Variants in SLC44A5 observed in about 807,000 individuals in gnomAD.
The protein encoded by SLC44A5 is solute carrier family 44 member 5.
SLC44A5 carries 57 observed loss-of-function variants against 101.8 expected under a neutral mutation model. That is an observed-to-expected ratio of 0.56 (90% CI 0.45 to 0.70). The LOEUF (loss-of-function observed/expected upper bound fraction) is 0.70. Among genes scored for constraint, SLC44A5 ranks in the 30% least tolerant of loss-of-function variants. SLC44A5 has a pLI of 0.00. For synonymous variants in SLC44A5, 281 were observed against 290.9 expected (o/e 0.97, Z 0.35); for missense variants, 737 against 853.1 (o/e 0.86, Z 1.70).
intron 2 of SLC44A5, among the ~76,000 whole-genome samples, chr1:75,459,067 G>T (rs887835154): frequency 6.6e-6 from 1 of 152,130 alleles, no homozygotes; most frequent in African/African-American, 2.4e-5. Context: ...ATTGGTGAGG[G>T]ATAGTGCCCC....
chr1:75,717,163 G>A, the SLC44A5 span, among the ~76,000 whole-genome samples: 21 of 151,914 alleles, frequency 1.4e-4, no homozygotes, highest in East Asian at 3.9e-4. Flanking sequence ...TATTCTAAGC[G>A]CATTTACACA....
At chr1:75,608,210 A>G (rs1242749433) in intron 1 of SLC44A5, among the ~76,000 whole-genome samples, 1 of 151,954 alleles carries the variant, frequency 6.6e-6, no homozygotes, top group Admixed American at 6.6e-5. Flanking sequence ...AACAAAAAAA[A>G]ACAAATAACC....
At chr1:75,580,884 AG>A (rs1557930446) in intron 1 of SLC44A5, among the ~76,000 whole-genome samples, 1 of 151,854 alleles carries the variant, frequency 6.6e-6, no homozygotes. Context: ...GAAAGGAAAG[AG>A]GGCCCATATG....
At chr1:75,270,916 T>G (rs780553253) in intron 6 of SLC44A5, among the ~76,000 whole-genome samples, 1 of 152,184 alleles carries the variant, frequency 6.6e-6, no homozygotes, top group East Asian at 1.9e-4. Context: ...GGAAAACTTC[T>G]TGTTACAAAT....
At chr1:75,301,534 CA>C (rs1411151760) in intron 4 of SLC44A5, among the ~76,000 whole-genome samples, 4 of 152,126 alleles carry the variant, frequency 2.6e-5, no homozygotes, top group Non-Finnish European at 4.4e-5. Context: ...AAAAGTTGCA[CA>C]TGAGAATTTT....
intron 2 of SLC44A5, among the ~76,000 whole-genome samples, chr1:75,403,226 C>T (rs549346118): frequency 4.3e-4 from 66 of 152,196 alleles, no homozygotes; most frequent in Non-Finnish European, 8.8e-4. Flanking sequence ...TGCCCATCTC[C>T]CTGGGACAGA....
At chr1:75,506,199 C>T (rs999552071) in intron 2 of SLC44A5, among the ~76,000 whole-genome samples, 1 of 152,046 alleles carries the variant, frequency 6.6e-6, no homozygotes, top group Non-Finnish European at 1.5e-5. Context: ...TCTTCTGTTC[C>T]ATTGGTCTGT....
the SLC44A5 span, among the ~76,000 whole-genome samples, chr1:75,661,103 G>A: frequency 6.6e-6 from 1 of 152,018 alleles, no homozygotes; most frequent in Non-Finnish European, 1.5e-5. Flanking sequence ...CAAAAGCGTA[G>A]TAACCAAAAC....
At chr1:75,477,628 G>A (rs1050648131) in intron 2 of SLC44A5, among the ~76,000 whole-genome samples, 1 of 152,192 alleles carries the variant, frequency 6.6e-6, no homozygotes, top group Non-Finnish European at 1.5e-5. Context: ...GAGCCGATGT[G>A]ATCAACTGGA....
intron 11 of SLC44A5, among the ~76,000 whole-genome samples, chr1:75,234,446 T>C (rs867954560): frequency 2.0e-5 from 3 of 152,084 alleles, no homozygotes; most frequent in Admixed American, 1.3e-4. Context: ...CCTACCTATC[T>C]ACTAGGTCAT....
At position 75,542,776 on chromosome 1, in the gene SLC44A5, T is replaced by G. The variant is rs149286505; in HGVS notation, c.-69-1260A>C. ...TTACAAAGTGTTTTATTGTTTTGTA[T>G]TCACCTTTTGATTATTTTGTTTTTA... On this transcript the variant is annotated intron_variant, in intron 1 of 23. Transcript: ENST00000370859. 7.7e-3 allele frequency among the ~76,000 whole-genome samples: 1,178 copies of G among 152,268 alleles called. 13 individuals carry two copies. The highest frequency in any genetic ancestry group is 0.027 in the African/African-American group (1,121 of 41,560).
intron 5 of SLC44A5, among the ~76,000 whole-genome samples, chr1:75,284,791 G>C (rs992215347): frequency 6.6e-6 from 1 of 152,062 alleles, no homozygotes; most frequent in Non-Finnish European, 1.5e-5. Context: ...TTTTAAATCT[G>C]TTTATGTGAT....
intron 2 of SLC44A5, among the ~76,000 whole-genome samples, chr1:75,409,442 G>C (rs1386384428): frequency 1.3e-5 from 2 of 152,036 alleles, no homozygotes; most frequent in Non-Finnish European, 2.9e-5. Flanking sequence ...AAAGGTGATT[G>C]ATTCAGAAGA....
intron 2 of SLC44A5, among the ~76,000 whole-genome samples, chr1:75,420,362 ATGC>A (rs1487746530): frequency 6.6e-6 from 1 of 152,190 alleles, no homozygotes; most frequent in Non-Finnish European, 1.5e-5. Context: ...ATAATAAAAA[ATGC>A]TCATTCAAAA....
chr1:75,673,371 T>C, the SLC44A5 span, among the ~76,000 whole-genome samples: 1 of 152,082 alleles, frequency 6.6e-6, no homozygotes, highest in African/African-American at 2.4e-5. Context: ...GACTTTCTCT[T>C]GTGGCTTGGG....
the SLC44A5 span, among the ~76,000 whole-genome samples, chr1:75,671,690 T>A: frequency 6.6e-6 from 1 of 152,132 alleles, no homozygotes; most frequent in African/African-American, 2.4e-5. Flanking sequence ...GCAAAGAGAA[T>A]TGATAGTGAT....
chr1:75,574,725 G>C (rs570644742), intron 1 of SLC44A5, among the ~76,000 whole-genome samples: 2 of 152,164 alleles, frequency 1.3e-5, no homozygotes, highest in Admixed American at 6.5e-5. Context: ...CCTCTCTTTG[G>C]TCCAGTCATT....
chr1:75,441,860 T>C (rs1665224577), intron 2 of SLC44A5, among the ~76,000 whole-genome samples: 1 of 152,128 alleles, frequency 6.6e-6, no homozygotes, highest in South Asian at 2.1e-4. Flanking sequence ...GCTTTAATTA[T>C]TGCCAGGTCA....
chr1:75,446,476 C>A (rs543247627), intron 2 of SLC44A5, among the ~76,000 whole-genome samples: 1 of 151,572 alleles, frequency 6.6e-6, no homozygotes, highest in South Asian at 2.1e-4. Flanking sequence ...CATTTTTATC[C>A]AAAAAAAACC....
Sources: gnomAD v4.1 joint callset for allele counts (sites outside exome capture counted in the v4.1 genomes callset) on GRCh38, gnomAD v4.1.1 for gene constraint, MANE v1.5 for transcripts, NCBI Gene and HGNC (gene_info 2026-07-23, HGNC 2026-07-21) for gene names.